KRT8: variants seen among roughly 807,000 people sequenced by gnomAD.
KRT8 encodes keratin 8.
In KRT8, 24 loss-of-function variants were observed where a neutral mutation model predicts 43.0. The observed-to-expected ratio is 0.56, with a 90% CI of 0.40 to 0.78. The LOEUF is 0.78. KRT8 is among the 30% of genes least tolerant of loss of function. The probability of loss-of-function intolerance (pLI) is 0.00; values close to 1 mark genes in which losing one functional copy is unlikely to be tolerated. For missense variants in KRT8, 492 were observed against 638.4 expected (o/e 0.77, Z 2.47); for synonymous variants, 214 against 261.2 (o/e 0.82, Z 1.74).
Position 52,900,987 on chromosome 12 carries a change from A to G in KRT8, c.594+172T>C, listed in dbSNP as rs962806959. 9.8e-6 allele frequency: 7 copies of G among 711,766 alleles called. No homozygotes were observed. In the African/African-American group the frequency reaches 1.2e-4, roughly 12 times the overall value. The allele number at this position is 711,766 out of a possible 1,614,324, so 44.1% of individuals were successfully genotyped here. ...ACACCGATGTCAAGAGTTCTGTCCA[A>G]ATGCACCTACCACTCCATCCTTGTC... On this transcript the variant is annotated intron_variant, in intron 3 of 7. Coordinates refer to ENST00000692008, the Ensembl canonical transcript of KRT8.
chr12:52,938,912 T>C (rs902246871), intron 2 of KRT8, among the ~76,000 whole-genome samples: 14 of 152,032 alleles, frequency 9.2e-5, no homozygotes, highest in African/African-American at 1.4e-4. Flanking sequence ...CCACCGCGCC[T>C]GGCCTACAAA....
At chr12:52,932,500 C>T (rs901732880) in intron 2 of KRT8, among the ~76,000 whole-genome samples, 5 of 152,098 alleles carry the variant, frequency 3.3e-5, no homozygotes, top group African/African-American at 9.7e-5. Flanking sequence ...GACCTCTTCC[C>T]TGTAGGTATG....
intron 2 of KRT8, among the ~76,000 whole-genome samples, chr12:52,936,557 G>A (rs1265862288): frequency 6.6e-6 from 1 of 152,130 alleles, no homozygotes; most frequent in African/African-American, 2.4e-5. Flanking sequence ...TTGTTGCCCA[G>A]GCTGGAGTGC....
intron 2 of KRT8, chr12:52,948,763 T>A: frequency 2.5e-6 from 1 of 407,070 alleles, no homozygotes; most frequent in Non-Finnish European, 4.3e-6. Context: ...GTGCTGAGAT[T>A]ACAGGCGTGA....
At chr12:52,930,413 G>A (rs536629057) in intron 2 of KRT8, among the ~76,000 whole-genome samples, 1 of 152,136 alleles carries the variant, frequency 6.6e-6, no homozygotes, top group East Asian at 1.9e-4. Context: ...TAGAGATGGG[G>A]TTTCTCCATG....
At chr12:52,919,182 C>G (rs564431496) in intron 2 of KRT8, among the ~76,000 whole-genome samples, 1 of 152,302 alleles carries the variant, frequency 6.6e-6, no homozygotes, top group East Asian at 1.9e-4. Context: ...AACTCTCAAC[C>G]CAGGGCTCCT....
At chr12:52,940,162 G>A (rs1156974476) in intron 2 of KRT8, among the ~76,000 whole-genome samples, 1 of 152,038 alleles carries the variant, frequency 6.6e-6, no homozygotes, top group African/African-American at 2.4e-5. Context: ...GCCAGGCGTG[G>A]TGGCTCATGC....
At chr12:52,919,546 G>A (rs912672540) in intron 2 of KRT8, among the ~76,000 whole-genome samples, 3 of 152,018 alleles carry the variant, frequency 2.0e-5, no homozygotes, top group African/African-American at 4.8e-5. Flanking sequence ...GGGATTACAG[G>A]TGTGAGCCAC....
At chr12:52,939,024 A>G (rs967133087) in intron 2 of KRT8, among the ~76,000 whole-genome samples, 1 of 152,078 alleles carries the variant, frequency 6.6e-6, no homozygotes. Context: ...GTTCCAGGCT[A>G]TAGTAAGCTA....
intron 2 of KRT8, among the ~76,000 whole-genome samples, chr12:52,941,218 C>G (rs1353169539): frequency 1.3e-5 from 2 of 151,744 alleles, no homozygotes; most frequent in Admixed American, 1.3e-4. Context: ...AGGCATGTGC[C>G]ACCACGCCCG....
At chr12:52,949,824 C>T (rs746040703) in exon 1 of KRT8, 1 of 704,806 alleles carries the variant, frequency 1.4e-6, no homozygotes, top group Non-Finnish European at 2.6e-6. Flanking sequence ...GAGAGCTTTA[C>T]AGAGGAAGTG....
At chr12:52,899,730 AG>A (rs1175082426) in intron 5 of KRT8, 44 bp downstream of exon 5, 1 of 1,547,464 alleles carries the variant, frequency 6.5e-7, no homozygotes, top group Non-Finnish European at 8.9e-7. Flanking sequence ...TCCTCTCACC[AG>A]GATGTGTCCA....
chr12:52,905,185 G>A, upstream of KRT8: 4 of 941,012 alleles, frequency 4.3e-6, no homozygotes, highest in East Asian at 2.7e-5. Flanking sequence ...TGCCACCTCC[G>A]GGCAGGACTC....
chr12:52,949,316 T>C (rs761933454), intron 2 of KRT8: 1 of 1,610,384 alleles, frequency 6.2e-7, no homozygotes, highest in Admixed American at 1.7e-5. Flanking sequence ...CGGATCTCCG[T>C]GTCCCGCTCC....
intron 2 of KRT8, among the ~76,000 whole-genome samples, chr12:52,920,351 A>T (rs7132912): frequency 6.6e-6 from 1 of 152,066 alleles, no homozygotes; most frequent in African/African-American, 2.4e-5. Context: ...TAATCCCAGC[A>T]CTTTGGGAGG....
rs556970602 is a variant in KRT8 at position 52,920,382 on chromosome 12, G to A, written c.-46-15355C>T. ...GGAGGCCAAGGCAGGCAGATCACCTGAGGTCAAGAGTTTGAGACCAGCCTG... is the reference window on the plus strand; with the variant it reads ...GGAGGCCAAGGCAGGCAGATCACCTAAGGTCAAGAGTTTGAGACCAGCCTG... On this transcript the variant is annotated intron_variant, in intron 2 of 6. Coordinates refer to the KRT8 transcript ENST00000546826. Among the ~76,000 whole-genome samples, 169 of 152,128 alleles carry A rather than the reference G, an allele frequency of 1.1e-3. 1 individual carries two copies. Among genetic ancestry groups the A allele is most frequent in the African/African-American group, 3.8e-3 (156 of 41,498 alleles).
At chr12:52,904,713 T>C in exon 1 of KRT8, 1 of 1,612,990 alleles carries the variant, frequency 6.2e-7, no homozygotes, top group South Asian at 1.1e-5. Context: ...CTCCTTCTCC[T>C]GGGTGCGCAC....
intron 2 of KRT8, among the ~76,000 whole-genome samples, chr12:52,918,235 G>C (rs981289957): frequency 6.6e-6 from 1 of 151,420 alleles, no homozygotes; most frequent in Non-Finnish European, 1.5e-5. Context: ...AGAAGAAGAA[G>C]AAGAAGAAGA....
intron 2 of KRT8, among the ~76,000 whole-genome samples, chr12:52,918,248 A>AAGAAGAAGAAGAAGAAGAAGAAGG (rs1565725906): frequency 6.6e-6 from 1 of 151,620 alleles, no homozygotes; most frequent in Admixed American, 6.6e-5. Context: ...GAAGAAGAAG[A>AAGAAGAAGAAGAAGAAGAAGAAGG]AGAAGAAGAA....
Sources: gnomAD v4.1 joint callset for allele counts (sites outside exome capture counted in the v4.1 genomes callset) on GRCh38, gnomAD v4.1.1 for gene constraint, MANE v1.5 for transcripts, NCBI Gene and HGNC (gene_info 2026-07-23, HGNC 2026-07-21) for gene names.